The following ASIC2 variants were observed in gnomAD, a reference collection of about 807,000 sequenced individuals.
The protein encoded by ASIC2 is acid-sensing ion channel 2.
ASIC2 carries 25 observed loss-of-function variants against 57.3 expected under a neutral mutation model. The ratio of observed to expected loss-of-function variants is 0.44; its 90% CI spans 0.32 to 0.61. The LOEUF (loss-of-function observed/expected upper bound fraction) is 0.61, where lower values mean the gene tolerates loss of function less well. Ranked by LOEUF, ASIC2 falls within the 20% of genes least tolerant of loss-of-function variation. The probability of loss-of-function intolerance (pLI) is 0.06; values close to 1 mark genes in which losing one functional copy is unlikely to be tolerated. For missense variants in ASIC2, 641 were observed against 738.1 expected, an observed-to-expected ratio of 0.87 and a Z score of 1.52; for synonymous variants, 319 against 307.5, an observed-to-expected ratio of 1.04 and a Z score of -0.39.
chr17:33,077,685 G>A (rs557940181), intron 3 of ASIC2, among the ~76,000 whole-genome samples: 61 of 152,276 alleles, frequency 4.0e-4, no homozygotes, highest in African/African-American at 1.3e-3. Flanking sequence ...TGTCCAGCCC[G>A]TTTGTCACAA....
At chr17:33,907,139 G>T (rs1915367051) in intron 1 of ASIC2, among the ~76,000 whole-genome samples, 1 of 152,158 alleles carries the variant, frequency 6.6e-6, no homozygotes, top group African/African-American at 2.4e-5. Context: ...CCAGGCATCA[G>T]GGCAGTGGGA....
intron 1 of ASIC2, among the ~76,000 whole-genome samples, chr17:33,682,190 GC>G (rs954596755): frequency 6.6e-6 from 1 of 151,392 alleles, no homozygotes; most frequent in Middle Eastern, 3.2e-3. Flanking sequence ...CTCCTGAATA[GC>G]TGGGACTACA....
chr17:33,317,500 A>T (rs969635931), intron 1 of ASIC2, among the ~76,000 whole-genome samples: 1 of 152,192 alleles, frequency 6.6e-6, no homozygotes, highest in Non-Finnish European at 1.5e-5. Context: ...TCTGTCCAAG[A>T]CCTTCATCTA....
intron 1 of ASIC2, among the ~76,000 whole-genome samples, chr17:34,026,849 G>A (rs1269039501): frequency 6.6e-6 from 1 of 152,198 alleles, no homozygotes; most frequent in Non-Finnish European, 1.5e-5. Context: ...ACTTGGGAAA[G>A]GCTCGGCCAT....
intron 1 of ASIC2, among the ~76,000 whole-genome samples, chr17:33,690,966 G>A (rs976200789): frequency 2.0e-5 from 3 of 151,914 alleles, no homozygotes; most frequent in African/African-American, 7.3e-5. Flanking sequence ...AGCCAGGATG[G>A]TCTCCATCTC....
intron 1 of ASIC2, among the ~76,000 whole-genome samples, chr17:33,444,023 C>T (rs1911924944): frequency 1.3e-5 from 2 of 152,318 alleles, no homozygotes; most frequent in South Asian, 4.1e-4. Context: ...TGTTGGTTTT[C>T]ATGGGCAGCA....
At chr17:34,059,762 C>T (rs1376676915) in intron 1 of ASIC2, among the ~76,000 whole-genome samples, 1 of 152,114 alleles carries the variant, frequency 6.6e-6, no homozygotes, top group African/African-American at 2.4e-5. Context: ...TCAGCAGAGG[C>T]AGCCATAATC....
intron 1 of ASIC2, among the ~76,000 whole-genome samples, chr17:34,133,530 A>C (rs1912052141): frequency 6.6e-6 from 1 of 152,234 alleles, no homozygotes; most frequent in African/African-American, 2.4e-5. Context: ...GGAGGCTGAC[A>C]TTCACACGCA....
chr17:33,190,164 A>G (rs577882594), intron 1 of ASIC2, among the ~76,000 whole-genome samples: 8 of 152,234 alleles, frequency 5.3e-5, no homozygotes, highest in Non-Finnish European at 1.0e-4. Flanking sequence ...AAAGTTACCA[A>G]AACTAATAAA....
chr17:33,086,568 C>A (rs1168291020), intron 3 of ASIC2, among the ~76,000 whole-genome samples: 2 of 152,188 alleles, frequency 1.3e-5, no homozygotes, highest in African/African-American at 2.4e-5. Context: ...CTTGACCAGA[C>A]TCTAGCCAGG....
chr17:33,074,353 C>G (rs1313129191), intron 3 of ASIC2, among the ~76,000 whole-genome samples: 1 of 152,200 alleles, frequency 6.6e-6, no homozygotes, highest in Non-Finnish European at 1.5e-5. Context: ...GGCCCTGCCC[C>G]TTGTCATACC....
intron 1 of ASIC2, chr17:33,792,213 G>A (rs1911794060): frequency 6.6e-6 from 1 of 152,264 alleles, no homozygotes; most frequent in African/African-American, 2.4e-5. Context: ...AACCCAGTGG[G>A]TAGTGGTGGA....
At chr17:33,305,451 T>A (rs929907091) in intron 1 of ASIC2, among the ~76,000 whole-genome samples, 1 of 152,226 alleles carries the variant, frequency 6.6e-6, no homozygotes, top group Non-Finnish European at 1.5e-5. Context: ...ATAGAAATAC[T>A]ATGTTATGAA....
chr17:33,766,175 A>G (rs971332515), intron 1 of ASIC2, among the ~76,000 whole-genome samples: 4 of 152,268 alleles, frequency 2.6e-5, no homozygotes, highest in Admixed American at 2.6e-4. Context: ...CATTTACATA[A>G]CATTTATTGC....
chr17:33,285,595 C>G (rs753398372), intron 1 of ASIC2, among the ~76,000 whole-genome samples: 38 of 152,206 alleles, frequency 2.5e-4, no homozygotes, highest in Non-Finnish European at 5.1e-4. Flanking sequence ...CTAGCCAGGG[C>G]AAAGCTGAGG....
In ASIC2 at chr17:33,445,215, G is replaced by A. The variant is rs374061918; in HGVS notation, c.556-333148C>T. Among the ~76,000 whole-genome samples, 10 of 152,306 alleles carry A rather than the reference G, an allele frequency of 6.6e-5. No individual in the cohort carries two copies. The South Asian group carries it at 2.1e-3, about 32-fold the overall frequency. On this transcript the variant is annotated intron_variant, in intron 1 of 9. Transcript: ENST00000359872. ...AGGCCAAGGCGTCTGATCATTTGAG[G>A]TCAGGAGTTCGAGACCAGCCTGGCC...
chr17:33,087,579 T>G (rs947972673), intron 3 of ASIC2, among the ~76,000 whole-genome samples: 4 of 140,206 alleles, frequency 2.9e-5, no homozygotes, highest in Admixed American at 7.0e-5. Context: ...ACCAGTGTTT[T>G]TTTTTTTTTT....
At chr17:33,331,441 A>C (rs1907308552) in intron 1 of ASIC2, among the ~76,000 whole-genome samples, 1 of 152,230 alleles carries the variant, frequency 6.6e-6, no homozygotes, top group African/African-American at 2.4e-5. Flanking sequence ...TTTGCTCTTA[A>C]AACCACAGCT....
chr17:33,690,431 A>G (rs556521374), intron 1 of ASIC2, among the ~76,000 whole-genome samples: 1 of 152,226 alleles, frequency 6.6e-6, no homozygotes, highest in South Asian at 2.1e-4. Flanking sequence ...TTTGCTCTTC[A>G]TGTGGTTTCT....
Sources: gnomAD v4.1 joint callset for allele counts (sites outside exome capture counted in the v4.1 genomes callset) on GRCh38, gnomAD v4.1.1 for gene constraint, MANE v1.5 for transcripts, NCBI Gene and HGNC (gene_info 2026-07-23, HGNC 2026-07-21) for gene names.